CPS1: variants seen among roughly 807,000 people sequenced by gnomAD.
CPS1 encodes the protein carbamoyl-phosphate synthase [ammonia], mitochondrial.
Under a neutral mutation model 174.6 loss-of-function variants are expected in CPS1, and 109 were observed. That is an observed-to-expected ratio of 0.62 (90% confidence interval 0.53 to 0.73). The LOEUF is 0.73. Among genes scored for constraint, CPS1 ranks in the 30% least tolerant of loss-of-function variants. CPS1 has a pLI of 0.00. For missense variants in CPS1, 1,689 were observed against 1,821.9 expected (o/e 0.93, Z 1.33); for synonymous variants, 637 against 632.0 (o/e 1.01, Z -0.12).
chr2:210,557,996 G>T (rs1443766718), intron 1 of CPS1, among the ~76,000 whole-genome samples: 1 of 151,648 alleles, frequency 6.6e-6, no homozygotes, highest in Non-Finnish European at 1.5e-5. Context: ...ATGGAGACAG[G>T]GGGAGGGGAA....
intron 28 of CPS1, 100 bp downstream of exon 28, chr2:210,650,538 C>A (rs1013705877): frequency 6.7e-6 from 6 of 897,258 alleles, no homozygotes; most frequent in Non-Finnish European, 9.3e-6. Context: ...CTTAATGCAA[C>A]CTTACTTTGT....
chr2:210,484,156 G>C (rs1694652842), intron 1 of CPS1, among the ~76,000 whole-genome samples: 1 of 152,160 alleles, frequency 6.6e-6, no homozygotes, highest in South Asian at 2.1e-4. Flanking sequence ...AGGTTTCATA[G>C]AAGGTGACAT....
At position 210,588,087 on chromosome 2, in the gene CPS1, C is replaced by T. The variant is rs1698166579; in HGVS notation, c.651C>T (p.Pro217=). ...TCAAAGTGTACGGCAAAGGAAACCC[C>T]ACAAAAGTGGTAGCTGTAGACTGTG... The part of the protein sequence containing the change: ...KDVKVYGKGN[P]TKVVAVDCGI... The change falls in exon 7 of 38, where the codon CCC becomes CCT. Residue 217 remains proline, a synonymous_variant. Transcript: ENST00000233072. 2 of 1,612,962 alleles carry T rather than the reference C, an allele frequency of 1.2e-6. No individual in the cohort carries two copies. The highest frequency in any genetic ancestry group is 1.3e-5 in the African/African-American group (1 of 74,940).
At chr2:210,544,708 G>A (rs1356581148) in intron 1 of CPS1, among the ~76,000 whole-genome samples, 2 of 152,122 alleles carry the variant, frequency 1.3e-5, no homozygotes, top group East Asian at 3.9e-4. Flanking sequence ...AAATATAAAT[G>A]CAGATAAAAT....
intron 11 of CPS1, 42 bp downstream of exon 11, chr2:210,592,998 A>C (rs1409224028): frequency 6.4e-7 from 1 of 1,553,790 alleles, no homozygotes; most frequent in Non-Finnish European, 8.9e-7. Flanking sequence ...GCAAAAAAAA[A>C]ATGTATTTGT....
At chr2:210,507,807 C>G (rs10200668) in intron 1 of CPS1, among the ~76,000 whole-genome samples, 25,391 of 152,020 alleles carry the variant, frequency 0.17, 2,347 homozygotes, top group Admixed American at 0.25. Flanking sequence ...GTAAAGGGAT[C>G]AATGCAACAA....
chr2:210,639,243 G>C (rs1700133201), intron 23 of CPS1, 28 bp downstream of exon 23: 2 of 1,499,266 alleles, frequency 1.3e-6, no homozygotes, highest in Non-Finnish European at 1.9e-6. Context: ...GGCCTATCCA[G>C]AAAGCTCTAG....
At chr2:210,537,422 T>C (rs1696285526) in intron 1 of CPS1, among the ~76,000 whole-genome samples, 1 of 152,212 alleles carries the variant, frequency 6.6e-6, no homozygotes, top group South Asian at 2.1e-4. Context: ...TGGTGTACTC[T>C]AGCATGAACT....
chr2:210,572,681 A>G (rs1697542686), intron 1 of CPS1, among the ~76,000 whole-genome samples: 1 of 152,076 alleles, frequency 6.6e-6, no homozygotes, highest in African/African-American at 2.4e-5. Flanking sequence ...AAAGCAAAAT[A>G]CAATATACTT....
At chr2:210,508,817 A>T (rs920409778) in intron 1 of CPS1, among the ~76,000 whole-genome samples, 2 of 152,216 alleles carry the variant, frequency 1.3e-5, no homozygotes, top group African/African-American at 4.8e-5. Flanking sequence ...ACACCCTCCC[A>T]AGACTAAACC....
chr2:210,629,905 T>A (rs12988297), intron 21 of CPS1, among the ~76,000 whole-genome samples: 16,547 of 147,164 alleles, frequency 0.11, 1,025 homozygotes, highest in East Asian at 0.26. Flanking sequence ...AAAAAAAAAA[T>A]TAAATTAAAA....
In CPS1 at chr2:210,594,530, C is replaced by A. The variant is rs961015305; in HGVS notation, c.1187C>A (p.Ser396Ter). Residue 396 changes from serine to a stop codon, truncating the protein, a stop_gained, in exon 12 of 38, where the codon TCA becomes TAA. Transcript: ENST00000233072. LOFTEE classifies it high-confidence loss of function. ...TAGTACCTGTTTGATTCCTTTTTCT[C>A]ACTGATAAAGAAAGGAAAAGCTACC... is the stretch of plus-strand genomic sequence containing the variant. ...DTEYLFDSFFSLIKKGKATTI... is the reference protein window; with the variant it reads ...DTEYLFDSFF The A allele has an allele frequency of 3.1e-6, 5 of 1,610,474 alleles. No homozygotes were observed. Among genetic ancestry groups the A allele is most frequent in the Non-Finnish European group, 4.2e-6 (5 of 1,177,738 alleles).
chr2:210,485,622 T>G (rs1694696086), intron 1 of CPS1, among the ~76,000 whole-genome samples: 1 of 152,248 alleles, frequency 6.6e-6, no homozygotes, highest in South Asian at 2.1e-4. Flanking sequence ...TCTTTCTATT[T>G]GTCAGTTTTA....
intron 1 of CPS1, among the ~76,000 whole-genome samples, chr2:210,540,541 C>A (rs1244959415): frequency 1.3e-5 from 2 of 152,054 alleles, no homozygotes; most frequent in Non-Finnish European, 2.9e-5. Context: ...GTGACTAGAC[C>A]AATTTATACT....
intron 21 of CPS1, among the ~76,000 whole-genome samples, chr2:210,623,259 A>C (rs1243987386): frequency 6.6e-6 from 1 of 152,262 alleles, no homozygotes; most frequent in East Asian, 1.9e-4. Flanking sequence ...TTCATTTTAC[A>C]CGTTCAAAAG....
intron 23 of CPS1, among the ~76,000 whole-genome samples, chr2:210,639,669 GAT>G (rs1012824172): frequency 3.6e-4 from 51 of 142,696 alleles, no homozygotes; most frequent in African/African-American, 1.3e-3. Flanking sequence ...CAGGTATGAT[GAT>G]ATGTTTCTGT....
rs532093967 is a variant in CPS1 at position 210,634,403 on chromosome 2, C to T, written c.2688-3299C>T. The stretch of plus-strand genomic sequence containing the variant: ...CGAGATCTTGCTACTGCACTTCAGC[C>T]TGGGCGACAGAGCGAGACTCCGTCT... On this transcript the variant is annotated intron_variant, in intron 21 of 37. Coordinates refer to ENST00000233072, the MANE Select transcript of CPS1 (RefSeq NM_001875.5). Among the ~76,000 whole-genome samples, 3 of 152,304 alleles carry T rather than the reference C, an allele frequency of 2.0e-5. No homozygotes were observed. The East Asian group carries it at 5.8e-4, about 29-fold the overall frequency.
chr2:210,611,984 T>TTTA (rs1699139760), intron 19 of CPS1, 133 bp from the exon 20 acceptor site: 8 of 806,594 alleles, frequency 9.9e-6, no homozygotes, highest in Non-Finnish European at 1.2e-5. Flanking sequence ...TTTTTTTTTT[T>TTTA]AATTTGAGAG....
At chr2:210,614,385 A>G (rs920205895) in intron 20 of CPS1, among the ~76,000 whole-genome samples, 3 of 151,902 alleles carry the variant, frequency 2.0e-5, no homozygotes, top group African/African-American at 7.3e-5. Flanking sequence ...TCTATAGTAG[A>G]ATGATTTATA....
Sources: allele counts gnomAD v4.1 joint callset (sites outside exome capture counted in the v4.1 genomes callset), GRCh38; gene constraint gnomAD v4.1.1; transcripts MANE v1.5; gene names NCBI Gene and HGNC (gene_info 2026-07-23, HGNC 2026-07-21).